Variants in COL22A1 observed in about 807,000 individuals in gnomAD.
COL22A1 encodes collagen alpha-1(XXII) chain.
Under a neutral mutation model 248.9 loss-of-function variants are expected in COL22A1, and 221 were observed. The observed-to-expected ratio is 0.89, with a 90% CI of 0.80 to 0.99. The LOEUF is 0.99. Ranked by LOEUF, COL22A1 falls within the 50% of genes least tolerant of loss-of-function variation. COL22A1 has a pLI of 0.00. For missense variants in COL22A1, 2,240 were observed against 2,179.0 expected (o/e 1.03, Z -0.56); for synonymous variants, 891 against 793.4 (o/e 1.12, Z -2.07).
At chr8:138,868,754 G>A (rs574573499) in intron 3 of COL22A1, among the ~76,000 whole-genome samples, 15 of 148,644 alleles carry the variant, frequency 1.0e-4, no homozygotes, top group African/African-American at 2.2e-4. Flanking sequence ...TTTTGGAGAC[G>A]AAGTCTCACT....
At chr8:138,653,062 C>T (rs910817531) in intron 45 of COL22A1, among the ~76,000 whole-genome samples, 1 of 152,082 alleles carries the variant, frequency 6.6e-6, no homozygotes, top group African/African-American at 2.4e-5. Flanking sequence ...GAACTATTTT[C>T]AACAAACTCA....
At chr8:138,740,725 A>C (rs1007640677) in intron 22 of COL22A1, among the ~76,000 whole-genome samples, 4 of 152,212 alleles carry the variant, frequency 2.6e-5, no homozygotes, top group Non-Finnish European at 5.9e-5. Flanking sequence ...AAGGAGAAAG[A>C]AACCAAAAAG....
At chr8:138,769,243 C>G (rs1834160363) in intron 16 of COL22A1, among the ~76,000 whole-genome samples, 1 of 152,184 alleles carries the variant, frequency 6.6e-6, no homozygotes, top group Non-Finnish European at 1.5e-5. Context: ...AGGCACTGTA[C>G]TGACTGACGT....
chr8:138,779,461 C>CTTGT, intron 14 of COL22A1, 48 bp downstream of exon 14: 1 of 1,424,982 alleles, frequency 7.0e-7, no homozygotes, highest in Non-Finnish European at 9.9e-7. Flanking sequence ...TGCACTGGGC[C>CTTGT]TTGTCCCCTG....
At position 138,663,721 on chromosome 8, in the gene COL22A1, C is replaced by G; in HGVS notation, c.3170G>C (p.Gly1057Ala). Residue 1057 changes from glycine (G) to alanine (A), a missense_variant, in exon 42 of 65, where the codon GGA (glycine) becomes GCA (alanine). Gly to Ala is a moderately conservative substitution (Grantham distance 60, BLOSUM62 0). Coordinates refer to ENST00000303045, the MANE Select transcript of COL22A1 (RefSeq NM_152888.3). ...AGPPGPSGPP[G>A]DKGSPGSRGL... is the part of the protein sequence containing the mutation. ...ATACTGTACCGGGGATCCTTTGTCTCCTGGTGGTCCGGAAGGGCCCTAGAA... is the reference window on the plus strand; with the variant it reads ...ATACTGTACCGGGGATCCTTTGTCTGCTGGTGGTCCGGAAGGGCCCTAGAA... 6.2e-7 allele frequency: 1 copy of G among 1,611,334 alleles called. No homozygotes were observed. The highest frequency in any genetic ancestry group is 8.5e-7 in the Non-Finnish European group (1 of 1,177,502).
intron 17 of COL22A1, among the ~76,000 whole-genome samples, chr8:138,761,153 C>T (rs143397357): frequency 6.6e-6 from 1 of 152,320 alleles, no homozygotes; most frequent in East Asian, 1.9e-4. Flanking sequence ...CCGGCCAGCC[C>T]ACACCACCAG....
In COL22A1 at chr8:138,598,899, C is replaced by G; in HGVS notation, c.4186-1G>C. The G allele has an allele frequency of 6.2e-7, 1 of 1,614,060 alleles. No homozygotes were observed. The highest frequency in any genetic ancestry group is 8.5e-7 in the Non-Finnish European group (1 of 1,179,972). ...TGTCACCTTTGATCCCAGGATCTCC[C>G]TAAGGAGGAAATAAGCATGTCAGCA... On this transcript the variant is annotated splice_acceptor_variant, in intron 60 of 64. Coordinates refer to ENST00000303045, the MANE Select transcript of COL22A1 (RefSeq NM_152888.3). LOFTEE classifies it high-confidence loss of function.
chr8:138,762,295 A>C, intron 17 of COL22A1, 118 bp downstream of exon 17: 1 of 980,508 alleles, frequency 1.0e-6, no homozygotes, highest in Non-Finnish European at 1.6e-6. Flanking sequence ...TGCAGCCTCC[A>C]GCTGAGCAAG....
chr8:138,667,729 A>G (rs1824633887), intron 41 of COL22A1, among the ~76,000 whole-genome samples: 1 of 152,210 alleles, frequency 6.6e-6, no homozygotes, highest in Non-Finnish European at 1.5e-5. Context: ...AATGAATAGA[A>G]CTAGAACAGC....
chr8:138,714,013 T>C (rs760449404), intron 30 of COL22A1, among the ~76,000 whole-genome samples: 1 of 152,176 alleles, frequency 6.6e-6, no homozygotes, highest in African/African-American at 2.4e-5. Context: ...TTAGGGTTCA[T>C]CATACTCTCC....
intron 44 of COL22A1, among the ~76,000 whole-genome samples, chr8:138,656,673 A>C (rs1823298316): frequency 6.6e-6 from 1 of 152,174 alleles, no homozygotes; most frequent in Non-Finnish European, 1.5e-5. Context: ...ATGGAAATTA[A>C]AAGGCAGACC....
intron 12 of COL22A1, among the ~76,000 whole-genome samples, chr8:138,791,440 G>A (rs1816027297): frequency 6.6e-6 from 1 of 152,180 alleles, no homozygotes; most frequent in Admixed American, 6.5e-5. Flanking sequence ...CGTAACTCCA[G>A]TGCCAACTTA....
chr8:138,684,071 A>G (rs1826155809), intron 39 of COL22A1, among the ~76,000 whole-genome samples: 3 of 152,190 alleles, frequency 2.0e-5, no homozygotes, highest in African/African-American at 7.2e-5. Context: ...CAGCCTGGCC[A>G]ACATAGTGAA....
intron 3 of COL22A1, among the ~76,000 whole-genome samples, chr8:138,862,025 C>CT (rs1822504317): frequency 1.0e-4 from 1 of 9,910 alleles, no homozygotes; most frequent in African/African-American, 2.2e-4. Context: ...CCTGTCTCTA[C>CT]TAAAAAAAAA....
chr8:138,802,872 C>T lies in COL22A1; in HGVS notation c.1557G>A (p.Val519=), dbSNP rs1817119770. 6.2e-7 allele frequency: 1 copy of T among 1,613,066 alleles called. No individual in the cohort carries two copies. Among genetic ancestry groups the T allele is most frequent in the African/African-American group, 1.3e-5 (1 of 74,892 alleles). The change falls in exon 11 of 65, where the codon GTG becomes GTA. Residue 519 remains valine, a splice_region_variant and synonymous_variant. Transcript: ENST00000303045. ...APGPKGEKGD[V]GIGPFGQGEK... is the part of the protein sequence containing the mutation. ...TGTAGAGGAGCAGCCATCTACTCAC[C>T]ACATCACCTTTCTCTCCCTTAGGTC...
intron 47 of COL22A1, among the ~76,000 whole-genome samples, chr8:138,646,094 T>G (rs1822182421): frequency 6.6e-6 from 1 of 152,142 alleles, no homozygotes; most frequent in African/African-American, 2.4e-5. Context: ...GGGGTTCAGA[T>G]TATACCCCCC....
In COL22A1 at chr8:138,636,774, C is replaced by T. The variant is rs199555238; in HGVS notation, c.3523G>A (p.Ala1175Thr). Residue 1175 changes from alanine (A) to threonine (T), a missense_variant, in exon 48 of 65, where the codon GCA becomes ACA. Ala to Thr is a moderately conservative substitution (Grantham distance 58). Coordinates refer to ENST00000303045, the MANE Select transcript of COL22A1 (RefSeq NM_152888.3). ...CCTTTCTGCCCAACCTCACCATCTG[C>T]ACCACGTTCTCCTTGACTTCCCTTG... ...GPQGSQGERG[A>T]DGEVGQKGDQ... 1.4e-5 allele frequency: 22 copies of T among 1,613,560 alleles called. No homozygotes were observed. The highest frequency in any genetic ancestry group is 2.2e-5 in the East Asian group (1 of 44,858).
chr8:138,889,115 AAGG>A (rs1824870651), intron 1 of COL22A1, among the ~76,000 whole-genome samples: 1 of 152,154 alleles, frequency 6.6e-6, no homozygotes, highest in Non-Finnish European at 1.5e-5. Flanking sequence ...CCACTGGGTA[AAGG>A]AGGACACTGA....
At chr8:138,657,877 C>T (rs72727858) in intron 44 of COL22A1, among the ~76,000 whole-genome samples, 3,449 of 152,256 alleles carry the variant, frequency 0.023, 60 homozygotes, top group Middle Eastern at 0.048. Flanking sequence ...CAAGGTGGGA[C>T]AGCTTGGTGG....
Sources: gnomAD v4.1 joint callset for allele counts (sites outside exome capture counted in the v4.1 genomes callset) on GRCh38, gnomAD v4.1.1 for gene constraint, MANE v1.5 for transcripts, NCBI Gene and HGNC (gene_info 2026-07-23, HGNC 2026-07-21) for gene names.